JAZF1: variants seen among roughly 807,000 people sequenced by gnomAD.
JAZF1 encodes the protein JAZF zinc finger 1.
In JAZF1, 8 loss-of-function variants were observed where a neutral mutation model predicts 26.4. The observed-to-expected ratio is 0.30, with a 90% CI of 0.18 to 0.55. The LOEUF (loss-of-function observed/expected upper bound fraction) is 0.55, where lower values mean the gene tolerates loss of function less well. JAZF1 is among the 20% of genes least tolerant of loss of function. The probability of loss-of-function intolerance (pLI) is 0.94; values close to 1 mark genes in which losing one functional copy is unlikely to be tolerated. For synonymous variants in JAZF1, 126 were observed against 122.3 expected (o/e 1.03, Z -0.20); for missense variants, 199 against 322.0 (o/e 0.62, Z 2.92).
chr7:28,088,436 CA>C (rs909869366), intron 1 of JAZF1, among the ~76,000 whole-genome samples: 27 of 152,190 alleles, frequency 1.8e-4, no homozygotes, highest in African/African-American at 5.5e-4. Flanking sequence ...CACTGAGCCA[CA>C]ACTAGGTTGC....
chr7:28,097,062 TTAAC>T (rs1784398401), intron 1 of JAZF1, among the ~76,000 whole-genome samples: 1 of 152,164 alleles, frequency 6.6e-6, no homozygotes, highest in South Asian at 2.1e-4. Context: ...TAAAGGGTTT[TTAAC>T]TAACTCTTTA....
intron 2 of JAZF1, among the ~76,000 whole-genome samples, chr7:27,908,625 C>T (rs1784304782): frequency 1.3e-5 from 2 of 152,146 alleles, no homozygotes; most frequent in African/African-American, 4.8e-5. Flanking sequence ...TGAAATGGGC[C>T]AGTTTTCCAA....
intron 3 of JAZF1, among the ~76,000 whole-genome samples, chr7:27,894,879 G>A (rs1784032174): frequency 6.6e-6 from 1 of 152,124 alleles, no homozygotes; most frequent in South Asian, 2.1e-4. Flanking sequence ...TTTTACAAGA[G>A]AAAACGTTCA....
At chr7:28,095,938 CT>C (rs1784376638) in intron 1 of JAZF1, among the ~76,000 whole-genome samples, 1 of 152,222 alleles carries the variant, frequency 6.6e-6, no homozygotes, top group South Asian at 2.1e-4. Flanking sequence ...AGCTCTGGTG[CT>C]CCTCCTCTTC....
intron 1 of JAZF1, among the ~76,000 whole-genome samples, chr7:28,007,402 C>T (rs1312873849): frequency 6.6e-6 from 1 of 152,092 alleles, no homozygotes; most frequent in East Asian, 1.9e-4. Context: ...AACCCTGTCT[C>T]TACTAAAAAT....
rs1204827727 is a variant in JAZF1, at chr7:28,110,553, A to AGGAAAAGGAAAAGGAAAG, written c.115+69909_115+69910insCTTTCCTTTTCCTTTTCC. On this transcript the variant is annotated intron_variant, in intron 1 of 4. Transcript: ENST00000283928. ...AAAGGAAAGGAAAAGGAAAAGGAAA[A>AGGAAAAGGAAAAGGAAAG]GGAAAGGGAAAGGAAAAGGGAAAGG... Among the ~76,000 whole-genome samples the AGGAAAAGGAAAAGGAAAG allele has an allele frequency of 3.3e-3, 186 of 56,102 alleles. 12 individuals carry two copies. The highest frequency in any genetic ancestry group is 5.8e-3 in the Admixed American group (23 of 3,960). The allele number at this position is 56,102 out of a possible 152,430, so 36.8% of individuals were successfully genotyped here.
At position 27,852,694 on chromosome 7, in the gene JAZF1, CTATATTT is replaced by C. The variant is rs546070968; in HGVS notation, c.386-11834_386-11828del. Among the ~76,000 whole-genome samples the C allele has an allele frequency of 2.6e-5, 4 of 152,300 alleles. No individual in the cohort carries two copies. In the South Asian group the frequency reaches 6.2e-4, roughly 24 times the overall value. ...CTGCTAAACGAGATGGAGAAAATAT[CTATATTT>C]TATAAACAGCAATCTACTTTACAGA... is the stretch of plus-strand genomic sequence containing the variant. On this transcript the variant is annotated intron_variant, in intron 3 of 4. Transcript: ENST00000283928.
intron 1 of JAZF1, among the ~76,000 whole-genome samples, chr7:28,062,541 C>T (rs1267313988): frequency 6.6e-6 from 1 of 151,902 alleles, no homozygotes; most frequent in Non-Finnish European, 1.5e-5. Context: ...GCATGCAGGC[C>T]TTGTGCCCAC....
chr7:28,165,769 C>A (rs1392035667), intron 1 of JAZF1, among the ~76,000 whole-genome samples: 1 of 152,196 alleles, frequency 6.6e-6, no homozygotes, highest in African/African-American at 2.4e-5. Context: ...CTCAAACAGG[C>A]CTTTCAACCT....
intron 1 of JAZF1, among the ~76,000 whole-genome samples, chr7:28,171,307 C>T (rs973259083): frequency 1.3e-5 from 2 of 152,180 alleles, no homozygotes; most frequent in African/African-American, 2.4e-5. Context: ...ATGCCATAAA[C>T]ACATAAACAT....
intron 1 of JAZF1, among the ~76,000 whole-genome samples, chr7:28,146,269 G>A (rs1783025949): frequency 6.6e-6 from 1 of 152,188 alleles, no homozygotes; most frequent in Non-Finnish European, 1.5e-5. Context: ...GACTGTAAAA[G>A]ATTAGAACAA....
At chr7:28,094,542 C>A (rs1175929653) in intron 1 of JAZF1, among the ~76,000 whole-genome samples, 2 of 152,162 alleles carry the variant, frequency 1.3e-5, no homozygotes, top group Non-Finnish European at 2.9e-5. Flanking sequence ...ACCCTATACA[C>A]ATTAATAACT....
At chr7:27,862,802 G>T (rs902788680) in intron 3 of JAZF1, among the ~76,000 whole-genome samples, 17 of 152,268 alleles carry the variant, frequency 1.1e-4, no homozygotes, top group African/African-American at 4.1e-4. Context: ...TGTATTTTGG[G>T]TGCATGTGCG....
chr7:27,971,207 G>T (rs1022150746), intron 2 of JAZF1, among the ~76,000 whole-genome samples: 2 of 152,186 alleles, frequency 1.3e-5, no homozygotes, highest in Non-Finnish European at 2.9e-5. Flanking sequence ...TTTGGGTGTC[G>T]TTTGTGATGA....
chr7:28,109,958 C>T (rs1270875928), intron 1 of JAZF1, among the ~76,000 whole-genome samples: 1 of 152,156 alleles, frequency 6.6e-6, no homozygotes, highest in Non-Finnish European at 1.5e-5. Context: ...CAGAAAAGAA[C>T]TCAGAATGAA....
chr7:28,138,647 T>C (rs1035373231), intron 1 of JAZF1, among the ~76,000 whole-genome samples: 2 of 152,228 alleles, frequency 1.3e-5, no homozygotes, highest in African/African-American at 2.4e-5. Context: ...TAACTCGCTC[T>C]GTGAAGAATA....
intron 1 of JAZF1, among the ~76,000 whole-genome samples, chr7:28,048,935 A>G (rs1383594476): frequency 6.6e-6 from 1 of 151,894 alleles, no homozygotes; most frequent in Non-Finnish European, 1.5e-5. Context: ...ATTTATACGA[A>G]ATGTCCAGAA....
chr7:27,911,582 T>G (rs1367578551), intron 2 of JAZF1, among the ~76,000 whole-genome samples: 1 of 152,230 alleles, frequency 6.6e-6, no homozygotes, highest in African/African-American at 2.4e-5. Context: ...TTAATTTAAG[T>G]AGCCACATAT....
At chr7:28,007,107 G>T (rs1300698189) in intron 1 of JAZF1, among the ~76,000 whole-genome samples, 2 of 152,272 alleles carry the variant, frequency 1.3e-5, no homozygotes, top group Non-Finnish European at 2.9e-5. Flanking sequence ...TAACTTAGGA[G>T]CAGGTAAAAG....
Sources: gnomAD v4.1 joint callset for allele counts (sites outside exome capture counted in the v4.1 genomes callset) on GRCh38, gnomAD v4.1.1 for gene constraint, MANE v1.5 for transcripts, NCBI Gene and HGNC (gene_info 2026-07-23, HGNC 2026-07-21) for gene names.